Variants in SLC35F1 observed in about 807,000 individuals in gnomAD.
SLC35F1 encodes the protein solute carrier family 35 member F1.
SLC35F1 carries 14 observed loss-of-function variants against 48.7 expected under a neutral mutation model. The ratio of observed to expected loss-of-function variants is 0.29; its 90% CI spans 0.19 to 0.45. The LOEUF is 0.45. Among genes scored for constraint, SLC35F1 ranks in the 20% least tolerant of loss-of-function variants. SLC35F1 has a pLI of 1.00. For synonymous variants in SLC35F1, 190 were observed against 202.2 expected, an observed-to-expected ratio of 0.94 and a Z score of 0.51; for missense variants, 404 against 500.0, an observed-to-expected ratio of 0.81 and a Z score of 1.83.
chr6:118,156,389 A>G (rs1379800502), intron 2 of SLC35F1, among the ~76,000 whole-genome samples: 4 of 152,120 alleles, frequency 2.6e-5, no homozygotes, highest in African/African-American at 9.7e-5. Context: ...AATACATTTT[A>G]GGGAGACATG....
chr6:118,135,020 G>A (rs999707603), intron 1 of SLC35F1, among the ~76,000 whole-genome samples: 6 of 152,310 alleles, frequency 3.9e-5, no homozygotes, highest in East Asian at 1.9e-4. Context: ...GGAGGAAAAG[G>A]TCAAACAGAA....
intron 1 of SLC35F1, among the ~76,000 whole-genome samples, chr6:118,050,587 A>G (rs961603122): frequency 6.6e-6 from 1 of 152,030 alleles, no homozygotes; most frequent in Admixed American, 6.6e-5. Flanking sequence ...GGAGAGAAAG[A>G]GAGTTTTAGG....
chr6:118,239,263 G>A (rs1034914461), intron 3 of SLC35F1, among the ~76,000 whole-genome samples: 1 of 149,490 alleles, frequency 6.7e-6, no homozygotes. Flanking sequence ...ATACATGTTT[G>A]AAGAAGTTAA....
At chr6:118,244,991 A>G (rs1775488711) in intron 3 of SLC35F1, among the ~76,000 whole-genome samples, 1 of 152,240 alleles carries the variant, frequency 6.6e-6, no homozygotes, top group African/African-American at 2.4e-5. Context: ...TTCACACAGG[A>G]CACAGGTATG....
At chr6:118,155,814 A>C (rs1016420156) in intron 2 of SLC35F1, among the ~76,000 whole-genome samples, 12 of 152,236 alleles carry the variant, frequency 7.9e-5, no homozygotes, top group Non-Finnish European at 1.5e-4. Context: ...AGATAAGGAC[A>C]CATGTATAGC....
chr6:118,015,196 T>A (rs1028686824), intron 1 of SLC35F1, among the ~76,000 whole-genome samples: 9 of 152,152 alleles, frequency 5.9e-5, no homozygotes, highest in African/African-American at 9.7e-5. Context: ...TCTTTTTCCT[T>A]ATAAATTACC....
At chr6:117,966,026 G>T (rs1776558626) in intron 1 of SLC35F1, among the ~76,000 whole-genome samples, 3 of 151,496 alleles carry the variant, frequency 2.0e-5, no homozygotes, top group Admixed American at 1.3e-4. Context: ...ACTCTGTAAA[G>T]CAGGCCAATC....
At position 118,314,322 on chromosome 6, in the gene SLC35F1, C is replaced by CA; in HGVS notation, c.*71dup. ...TTTTGCCCATCATCTCTGTATTGTA[C>CA]ATAGAGAAAGGTATTTACTAGGTGC... On this transcript the variant is annotated 3_prime_UTR_variant, in exon 8 of 8. Transcript: ENST00000360388. The CA allele has an allele frequency of 1.5e-6, 2 of 1,374,680 alleles. No individual in the cohort carries two copies. Among genetic ancestry groups the CA allele is most frequent in the Non-Finnish European group, 2.1e-6 (2 of 974,070 alleles). 85.2% of individuals were successfully genotyped at this position (1,374,680 alleles called of 1,614,324 possible).
At chr6:118,166,294 A>G (rs1774316777) in intron 2 of SLC35F1, among the ~76,000 whole-genome samples, 1 of 152,180 alleles carries the variant, frequency 6.6e-6, no homozygotes, top group East Asian at 1.9e-4. Context: ...ATCACAGATC[A>G]TGAATGGAGC....
intron 1 of SLC35F1, among the ~76,000 whole-genome samples, chr6:117,936,706 A>T (rs1410563227): frequency 6.6e-6 from 1 of 152,124 alleles, no homozygotes; most frequent in Non-Finnish European, 1.5e-5. Flanking sequence ...TGACATTTGG[A>T]TCTAATTCCC....
At chr6:117,979,202 G>A (rs542238008) in intron 1 of SLC35F1, among the ~76,000 whole-genome samples, 1 of 152,286 alleles carries the variant, frequency 6.6e-6, no homozygotes, top group Non-Finnish European at 1.5e-5. Flanking sequence ...CACCTTGCTT[G>A]GACATCACCT....
At chr6:118,101,762 T>A (rs1773260953) in intron 1 of SLC35F1, among the ~76,000 whole-genome samples, 1 of 152,206 alleles carries the variant, frequency 6.6e-6, no homozygotes, top group East Asian at 1.9e-4. Flanking sequence ...ATGCTATGCA[T>A]GGATGGAGCT....
At chr6:118,028,259 T>C (rs1216688580) in intron 1 of SLC35F1, among the ~76,000 whole-genome samples, 9 of 152,134 alleles carry the variant, frequency 5.9e-5, no homozygotes, top group Admixed American at 5.9e-4. Flanking sequence ...CTTTCTCCTG[T>C]GTTCTTCTTC....
chr6:117,912,562 C>T lies in SLC35F1; in HGVS notation c.173+4663C>T, dbSNP rs183435601. On this transcript the variant is annotated intron_variant, in intron 1 of 7. Coordinates refer to ENST00000360388, the MANE Select transcript of SLC35F1 (RefSeq NM_001029858.4). The stretch of plus-strand genomic sequence containing the variant: ...GGTGAGAATCTTCCTCAAGCTGCTC[C>T]GTCTAAAACATGTCAAAATGAAAAG... Among the ~76,000 whole-genome samples, 244 of 152,120 alleles carry T rather than the reference C, an allele frequency of 1.6e-3. 1 individual carries two copies. Among genetic ancestry groups the T allele is most frequent in the African/African-American group, 5.6e-3 (232 of 41,470 alleles).
At chr6:118,061,929 C>A (rs995845166) in intron 1 of SLC35F1, among the ~76,000 whole-genome samples, 1 of 152,244 alleles carries the variant, frequency 6.6e-6, no homozygotes, top group African/African-American at 2.4e-5. Flanking sequence ...TGCCGCTCAC[C>A]TCCTGCTATG....
intron 1 of SLC35F1, among the ~76,000 whole-genome samples, chr6:117,911,413 CCCTCCCTCCCTCCCTT>C (rs1284353674): frequency 9.7e-6 from 1 of 103,086 alleles, no homozygotes; most frequent in African/African-American, 5.8e-5. Flanking sequence ...CTCCCTCCCT[CCCTCCCTCCCTCCCTT>C]CCTTCCTTCC....
intron 1 of SLC35F1, among the ~76,000 whole-genome samples, chr6:118,028,960 C>T (rs76827962): frequency 0.017 from 2,616 of 151,816 alleles, 77 homozygotes; most frequent in African/African-American, 0.059. Flanking sequence ...TCTCCAAGAA[C>T]AAGAAAAGTG....
chr6:118,183,197 A>G (rs1348307127), intron 2 of SLC35F1, among the ~76,000 whole-genome samples: 1 of 152,222 alleles, frequency 6.6e-6, no homozygotes, highest in African/African-American at 2.4e-5. Flanking sequence ...TTTGAAACCC[A>G]TAACAGTTAG....
chr6:117,952,330 G>A (rs1776372529), intron 1 of SLC35F1, among the ~76,000 whole-genome samples: 1 of 152,166 alleles, frequency 6.6e-6, no homozygotes. Context: ...CTGGAGACCT[G>A]TACCATGGGG....
Sources: gnomAD v4.1 joint callset for allele counts (sites outside exome capture counted in the v4.1 genomes callset) on GRCh38, gnomAD v4.1.1 for gene constraint, MANE v1.5 for transcripts, NCBI Gene and HGNC (gene_info 2026-07-23, HGNC 2026-07-21) for gene names.